USH1C: variants seen among roughly 807,000 people sequenced by gnomAD.
USH1C encodes harmonin.
Under a neutral mutation model 119.3 loss-of-function variants are expected in USH1C, and 90 were observed. The ratio of observed to expected loss-of-function variants is 0.75; its 90% CI spans 0.64 to 0.90. The LOEUF is 0.90. Ranked by LOEUF, USH1C falls within the 40% of genes least tolerant of loss-of-function variation. The pLI, the probability that USH1C is intolerant of heterozygous loss-of-function variation, is 0.00. For missense variants in USH1C, 1,165 were observed against 1,167.7 expected, an observed-to-expected ratio of 1.00 and a Z score of 0.03; for synonymous variants, 465 against 443.3, an observed-to-expected ratio of 1.05 and a Z score of -0.62.
At position 17,544,362 on chromosome 11, in the gene USH1C, C is replaced by T; in HGVS notation, c.-55G>A. On this transcript the variant is annotated 5_prime_UTR_variant, in exon 1 of 27. Transcript: ENST00000005226. ...ACGACCCGTTCCTTCGGGTGCCCGG[C>T]TGCCAGGAGCTGGAAAGAGCCGCGA... 1 of 1,612,612 alleles carries T rather than the reference C, an allele frequency of 6.2e-7. No homozygotes were observed.
chr11:17,506,373 G>C (rs1279941796), intron 18 of USH1C, among the ~76,000 whole-genome samples: 4 of 152,208 alleles, frequency 2.6e-5, no homozygotes, highest in African/African-American at 9.6e-5. Context: ...TAGGCACATA[G>C]TCTCTAGGGG....
rs1849842767 is a variant in USH1C at position 17,510,520 on chromosome 11, A to G, written c.1415T>C (p.Val472Ala). 6.2e-7 allele frequency: 1 copy of G among 1,611,362 alleles called. No individual in the cohort carries two copies. The highest frequency in any genetic ancestry group is 8.5e-7 in the Non-Finnish European group (1 of 1,177,514). Residue 472 changes from valine to alanine, a missense_variant and splice_region_variant, in exon 17 of 27, where the codon GTG (valine) becomes GCG (alanine). Val to Ala is a moderately conservative substitution (Grantham distance 64). Coordinates refer to ENST00000005226, the MANE Select transcript of USH1C (RefSeq NM_153676.4). ...QLKINRLAQE[V>A]SETEREDLEE... is the part of the protein sequence containing the mutation. Reference sequence around the variant, plus strand: ...AAGGTCTTCCCGCTCTGTCTCAGACACCTGGGACCCAGGATCGGCGCAGAA... The same window carrying G: ...AAGGTCTTCCCGCTCTGTCTCAGACGCCTGGGACCCAGGATCGGCGCAGAA...
At chr11:17,520,735 A>G (rs1850372437) in intron 14 of USH1C, 135 bp downstream of exon 14, 1 of 1,091,008 alleles carries the variant, frequency 9.2e-7, no homozygotes, top group African/African-American at 1.5e-5. Context: ...TCTCTGACCC[A>G]CAGCTGCCCC....
chr11:17,533,293 C>T lies in USH1C; in HGVS notation c.66G>A (p.Glu22=), dbSNP rs768165881. The change falls in exon 2 of 27, where the codon GAG becomes GAA. Residue 22 remains glutamate, a synonymous_variant. Coordinates refer to ENST00000005226, the MANE Select transcript of USH1C (RefSeq NM_153676.4). Reference sequence around the variant, plus strand: ...GCAGCACATCATAGAGATAGTCCTTCTCTGCATCATTTTCAATCAGAAAAT... The same window carrying T: ...GCAGCACATCATAGAGATAGTCCTTTTCTGCATCATTTTCAATCAGAAAAT... ...KVDFLIENDA[E]KDYLYDVLRM... 3.2e-5 allele frequency: 52 copies of T among 1,613,844 alleles called. No individual in the cohort carries two copies. The highest frequency in any genetic ancestry group is 2.4e-4 in the South Asian group (22 of 91,084).
At chr11:17,502,476 A>T (rs1012788168) in intron 20 of USH1C, among the ~76,000 whole-genome samples, 1 of 152,224 alleles carries the variant, frequency 6.6e-6, no homozygotes, top group African/African-American at 2.4e-5. Context: ...CAGCCACAAG[A>T]TGGTGGAGGG....
intron 1 of USH1C, chr11:17,534,018 T>C (rs1851121620): frequency 3.7e-6 from 1 of 268,090 alleles, no homozygotes; most frequent in African/African-American, 2.2e-5. Flanking sequence ...GTTCAGGAGT[T>C]GTGTCATTAG....
chr11:17,538,794 G>A (rs1032301860), intron 1 of USH1C, among the ~76,000 whole-genome samples: 2 of 152,098 alleles, frequency 1.3e-5, no homozygotes, highest in African/African-American at 4.8e-5. Context: ...GAGGCTCCTA[G>A]TCCCTGGGGG....
At position 17,531,801 on chromosome 11, in the gene USH1C, C is replaced by T. The variant is rs1209852215; in HGVS notation, c.105-259G>A. On this transcript the variant is annotated intron_variant, in intron 2 of 26. Transcript: ENST00000005226. This position sits in a 1 kb window ranked among gnomAD's most constrained non-coding sequence, Gnocchi z 4.2. Reference sequence around the variant, plus strand: ...TGAGATGAAGCCAGGATTTCAAACTCAGCGCTGCCTATCTCGGCTGTTGGG... The same window carrying T: ...TGAGATGAAGCCAGGATTTCAAACTTAGCGCTGCCTATCTCGGCTGTTGGG... Among the ~76,000 whole-genome samples, 1 of 152,204 alleles carries T rather than the reference C, an allele frequency of 6.6e-6. No individual in the cohort carries two copies. Among genetic ancestry groups the T allele is most frequent in the Non-Finnish European group, 1.5e-5 (1 of 68,040 alleles).
intron 12 of USH1C, 143 bp from the exon 13 acceptor site, chr11:17,521,554 G>C: frequency 1.2e-6 from 1 of 815,970 alleles, no homozygotes; most frequent in Non-Finnish European, 2.1e-6. Context: ...TTGGTTTTGG[G>C]GGACGTTATC....
chr11:17,523,369 T>C, intron 10 of USH1C, 50 bp downstream of exon 10: 1 of 1,613,570 alleles, frequency 6.2e-7, no homozygotes, highest in South Asian at 1.1e-5. Context: ...GGATGAGAAG[T>C]GGGGTGTGGA....
Position 17,527,043 on chromosome 11 carries a change from G to T in USH1C, c.497-3C>A, listed in dbSNP as rs958295779. The T allele has an allele frequency of 3.2e-6, 5 of 1,554,610 alleles. No homozygotes were observed. The highest frequency in any genetic ancestry group is 3.9e-5 in the Admixed American group (2 of 51,428). On this transcript the variant is annotated splice_polypyrimidine_tract_variant and splice_region_variant and intron_variant, in intron 5 of 26. Transcript: ENST00000005226. ...TTTCACGGGGATCAGGCCGATGTCT[G>T]CGGGAGAAAGGCACAGGGGTTAGGA...
chr11:17,538,660 G>A (rs1391240848), intron 1 of USH1C, among the ~76,000 whole-genome samples: 1 of 152,152 alleles, frequency 6.6e-6, no homozygotes, highest in East Asian at 1.9e-4. Flanking sequence ...CATGCCTCCA[G>A]CCTTCTCCAC....
chr11:17,512,044 T>C lies in USH1C; in HGVS notation c.1271A>G (p.Asp424Gly), dbSNP rs1441120036. 1.2e-6 allele frequency: 2 copies of C among 1,614,226 alleles called. No individual in the cohort carries two copies. Among genetic ancestry groups the C allele is most frequent in the Admixed American group, 1.7e-5 (1 of 60,030 alleles). ...KFPTIRKKGK[D>G]KKKAKYGSLQ... Reference sequence around the variant, plus strand: ...GCTGCCATACTTGGCTTTCTTCTTATCTTTTCCTTTCTGAGTAGATGTGGC... The same window carrying C: ...GCTGCCATACTTGGCTTTCTTCTTACCTTTTCCTTTCTGAGTAGATGTGGC... The change falls in exon 16 of 27, where the codon GAT becomes GGT. Residue 424 changes from aspartate to glycine, a missense_variant. Coordinates refer to ENST00000005226, the MANE Select transcript of USH1C (RefSeq NM_153676.4).
chr11:17,494,510 C>A, intron 26 of USH1C, 134 bp from the exon 27 acceptor site: 1 of 999,846 alleles, frequency 1.0e-6, no homozygotes, highest in Non-Finnish European at 1.5e-6. Flanking sequence ...GGAGACCCCT[C>A]TGGGTGCAGG....
At chr11:17,501,412 A>G in intron 22 of USH1C, 70 bp downstream of exon 22, 1 of 1,543,076 alleles carries the variant, frequency 6.5e-7, no homozygotes, top group Non-Finnish European at 8.9e-7. Flanking sequence ...GAGTAGAGGC[A>G]GGAGACCAAG....
rs776940763 is a variant in USH1C, at chr11:17,501,977, A to T, written c.2188T>A (p.Phe730Ile). The change falls in exon 21 of 27, where the codon TTC becomes ATC. Residue 730 changes from phenylalanine to isoleucine, a missense_variant. Physicochemically the swap from Phe to Ile is conservative, Grantham distance 21. Coordinates refer to ENST00000005226, the MANE Select transcript of USH1C (RefSeq NM_153676.4). ...VVYQTAFRQD[F>I]RKYEEGFDPY... Reference sequence around the variant, plus strand: ...TCAAAGCCTTCCTCATATTTCCGGAAATCCTGGAAGCAAAGGGAGGGCTTT... The same window carrying T: ...TCAAAGCCTTCCTCATATTTCCGGATATCCTGGAAGCAAAGGGAGGGCTTT... 1 of 1,613,716 alleles carries T rather than the reference A, an allele frequency of 6.2e-7. No individual in the cohort carries two copies. Among genetic ancestry groups the T allele is most frequent in the East Asian group, 2.2e-5 (1 of 44,870 alleles).
intron 16 of USH1C, 92 bp from the exon 17 acceptor site, chr11:17,510,613 A>G (rs1241603981): frequency 9.5e-6 from 9 of 949,324 alleles, no homozygotes; most frequent in Non-Finnish European, 1.5e-5. Flanking sequence ...TCCTTTAGAA[A>G]CTCCAGAGTA....
intron 1 of USH1C, 32 bp from the exon 2 acceptor site, chr11:17,533,354 AG>A: frequency 6.7e-7 from 1 of 1,502,852 alleles, no homozygotes. Flanking sequence ...TCACAGCTCC[AG>A]GCTCAGCACC....
chr11:17,515,419 A>G (rs1433020787), intron 15 of USH1C, among the ~76,000 whole-genome samples: 4 of 152,204 alleles, frequency 2.6e-5, no homozygotes, highest in African/African-American at 9.7e-5. Flanking sequence ...CCCATTTTAC[A>G]GGCAGGGAGA....
Sources: gnomAD v4.1 joint callset for allele counts (sites outside exome capture counted in the v4.1 genomes callset) on GRCh38, gnomAD v4.1.1 for gene constraint, Gnocchi (gnomAD v3.1) non-coding constraint, MANE v1.5 for transcripts, NCBI Gene and HGNC (gene_info 2026-07-23, HGNC 2026-07-21) for gene names.